The following KLRG1 variants were observed in gnomAD, a reference collection of about 807,000 sequenced individuals.
KLRG1 encodes the protein killer cell lectin-like receptor subfamily G member 1.
KLRG1 carries 16 observed loss-of-function variants against 21.8 expected under a neutral mutation model. That is an observed-to-expected ratio of 0.73 (90% CI 0.50 to 1.11). The LOEUF is 1.11. KLRG1 is among the 50% of genes most tolerant of loss of function. KLRG1 has a pLI of 0.00. For missense variants in KLRG1, 173 were observed against 218.3 expected, an observed-to-expected ratio of 0.79 and a Z score of 1.31; for synonymous variants, 69 against 75.9, an observed-to-expected ratio of 0.91 and a Z score of 0.47.
At chr12:9,110,167 T>G in the KLRG1 span, 1 of 1,143,234 alleles carries the variant, frequency 8.7e-7, no homozygotes. Flanking sequence ...GTAGAGGAGA[T>G]GAGTTATAGC....
At chr12:9,055,788 A>G in the KLRG1 span, 1 of 152,674 alleles carries the variant, frequency 6.5e-6, no homozygotes, top group African/African-American at 2.4e-5. Flanking sequence ...CTTGCCAAGG[A>G]GTGAATTTAA....
chr12:9,150,764 A>G, the KLRG1 span: 3 of 1,529,198 alleles, frequency 2.0e-6, no homozygotes, highest in African/African-American at 4.1e-5. Flanking sequence ...GAAAAGTGGG[A>G]GTAATCAAGA....
rs1947612618 is a variant in KLRG1 at position 9,010,519 on chromosome 12, T to C, written c.*982T>C. On this transcript the variant is annotated 3_prime_UTR_variant, in exon 5 of 5. Transcript: ENST00000356986. Reference sequence around the variant, plus strand: ...AAGGCCTCAAAAATAAGAAAAACTTTATTATTTCTCCTCAGTAGAGTTTGG... The same window carrying C: ...AAGGCCTCAAAAATAAGAAAAACTTCATTATTTCTCCTCAGTAGAGTTTGG... 6.5e-6 allele frequency: 1 copy of C among 153,588 alleles called. No homozygotes were observed. The highest frequency in any genetic ancestry group is 2.4e-5 in the African/African-American group (1 of 41,590). The allele number at this position is 153,588 out of a possible 1,614,324, so 9.5% of individuals were successfully genotyped here.
the KLRG1 span, chr12:9,157,249 G>T: frequency 1.2e-6 from 2 of 1,614,150 alleles, no homozygotes; most frequent in Non-Finnish European, 1.7e-6. Flanking sequence ...TAGGGAAAAA[G>T]CATAGGCCAG....
At chr12:9,158,480 C>G in the KLRG1 span, 3 of 1,614,192 alleles carry the variant, frequency 1.9e-6, no homozygotes, top group Non-Finnish European at 2.5e-6. Flanking sequence ...CCTTCTGCAT[C>G]TGGGAGAGCC....
At chr12:9,024,465 T>A in the KLRG1 span, among the ~76,000 whole-genome samples, 527 of 152,354 alleles carry the variant, frequency 3.5e-3, 28 homozygotes, top group Admixed American at 0.034. Flanking sequence ...TTTGTTTTTC[T>A]TTTTAAAAAT....
At chr12:9,036,835 AC>A in the KLRG1 span, 1 of 429,130 alleles carries the variant, frequency 2.3e-6, no homozygotes, top group Non-Finnish European at 4.6e-6. Context: ...CTTGCTGGGT[AC>A]CAGATGACCA....
the KLRG1 span, among the ~76,000 whole-genome samples, chr12:9,197,813 T>TATATATAATTATATATTATACAATATATA: frequency 1.5e-5 from 1 of 65,450 alleles, no homozygotes; most frequent in Non-Finnish European, 2.8e-5. Context: ...CAATACATAA[T>TATATATAATTATATATTATACAATATATA]ATATATAATT....
the KLRG1 span, chr12:9,163,612 G>C: frequency 6.3e-7 from 1 of 1,588,012 alleles, no homozygotes; most frequent in South Asian, 1.1e-5. Context: ...TGTCTCAAGA[G>C]TGACCGCCCG....
At chr12:9,107,703 G>GC in the KLRG1 span, 1 of 1,592,484 alleles carries the variant, frequency 6.3e-7, no homozygotes, top group Non-Finnish European at 8.6e-7. Flanking sequence ...CCATTTTCTA[G>GC]CTATTTATAT....
chr12:9,031,363 G>A, the KLRG1 span, among the ~76,000 whole-genome samples: 1 of 152,222 alleles, frequency 6.6e-6, no homozygotes, highest in Non-Finnish European at 1.5e-5. Flanking sequence ...GAGAAAACCA[G>A]CTCAGAATAA....
At chr12:9,120,024 CAAT>C in the KLRG1 span, among the ~76,000 whole-genome samples, 13 of 152,222 alleles carry the variant, frequency 8.5e-5, no homozygotes, top group South Asian at 1.9e-3. Flanking sequence ...AATAGTGGGG[CAAT>C]AATATCTGTG....
the KLRG1 span, chr12:9,196,351 T>A: frequency 6.2e-7 from 1 of 1,611,228 alleles, no homozygotes; most frequent in Non-Finnish European, 8.5e-7. Context: ...AGGGGATTCC[T>A]TGTCTAAAGT....
the KLRG1 span, among the ~76,000 whole-genome samples, chr12:9,043,353 C>T: frequency 6.6e-6 from 1 of 151,128 alleles, no homozygotes; most frequent in African/African-American, 2.5e-5. Context: ...GTTGGGATTA[C>T]AGGCATAAGC....
chr12:9,082,397 C>T, the KLRG1 span, among the ~76,000 whole-genome samples: 1 of 152,174 alleles, frequency 6.6e-6, no homozygotes, highest in Non-Finnish European at 1.5e-5. Context: ...AGAGACAAAA[C>T]AGTGATCTTG....
chr12:9,089,411 C>T, the KLRG1 span, among the ~76,000 whole-genome samples: 3 of 152,120 alleles, frequency 2.0e-5, no homozygotes, highest in South Asian at 6.2e-4. Context: ...GGAGGTAGTT[C>T]GATGCATGAA....
the KLRG1 span, chr12:9,067,476 AG>A: frequency 3.2e-6 from 1 of 310,358 alleles, no homozygotes; most frequent in African/African-American, 2.2e-5. Flanking sequence ...GGTTTTTCAT[AG>A]GGTATTCCCA....
chr12:9,036,856 C>A, the KLRG1 span: 1 of 424,976 alleles, frequency 2.4e-6, no homozygotes, highest in Non-Finnish European at 4.7e-6. Context: ...ACTGACAGTG[C>A]CAAGTCAAAG....
At chr12:9,161,321 C>A in the KLRG1 span, among the ~76,000 whole-genome samples, 2 of 152,120 alleles carry the variant, frequency 1.3e-5, no homozygotes, top group African/African-American at 4.8e-5. Flanking sequence ...TCAATTTCAA[C>A]GAATGTGAGC....
Sources: allele counts gnomAD v4.1 joint callset (sites outside exome capture counted in the v4.1 genomes callset), GRCh38; gene constraint gnomAD v4.1.1; transcripts MANE v1.5; gene names NCBI Gene and HGNC (gene_info 2026-07-23, HGNC 2026-07-21).